PDE1C: variants seen among roughly 807,000 people sequenced by gnomAD.
PDE1C encodes the protein dual specificity calcium/calmodulin-dependent 3',5'-cyclic nucleotide phosphodiesterase 1C.
PDE1C carries 62 observed loss-of-function variants against 93.1 expected under a neutral mutation model. That is an observed-to-expected ratio of 0.67 (90% CI 0.54 to 0.82). The LOEUF (loss-of-function observed/expected upper bound fraction) is 0.82, where lower values mean the gene tolerates loss of function less well. Among genes scored for constraint, PDE1C ranks in the 40% least tolerant of loss-of-function variants. The pLI, the probability that PDE1C is intolerant of heterozygous loss-of-function variation, is 0.00. For missense variants in PDE1C, 742 were observed against 884.6 expected (o/e 0.84, Z 2.04); for synonymous variants, 325 against 310.1 (o/e 1.05, Z -0.50).
chr7:32,326,026 AT>A (rs745613124), intron 1 of PDE1C, among the ~76,000 whole-genome samples: 11 of 152,122 alleles, frequency 7.2e-5, no homozygotes, highest in Admixed American at 3.3e-4. Flanking sequence ...AGGTAACAAG[AT>A]TTGCTGACAG....
intron 1 of PDE1C, among the ~76,000 whole-genome samples, chr7:32,359,885 A>T (rs553450977): frequency 1.3e-5 from 2 of 151,998 alleles, no homozygotes; most frequent in African/African-American, 4.8e-5. Context: ...TTCAAGATCA[A>T]CTCAAATGCC....
intron 2 of PDE1C, among the ~76,000 whole-genome samples, chr7:31,881,411 A>T (rs1797235303): frequency 6.6e-6 from 1 of 152,224 alleles, no homozygotes; most frequent in Non-Finnish European, 1.5e-5. Context: ...TAAATACCCT[A>T]GTTAAAAAAG....
intron 2 of PDE1C, among the ~76,000 whole-genome samples, chr7:31,997,272 C>T (rs1784834024): frequency 6.6e-6 from 1 of 152,130 alleles, no homozygotes; most frequent in Non-Finnish European, 1.5e-5. Flanking sequence ...TGATGGTACA[C>T]ACCTCTCAAG....
intron 2 of PDE1C, among the ~76,000 whole-genome samples, chr7:31,931,660 T>C (rs944827889): frequency 1.3e-5 from 2 of 152,212 alleles, no homozygotes; most frequent in African/African-American, 4.8e-5. Flanking sequence ...ATGGCCATAC[T>C]GCCCAAAGTA....
chr7:31,818,648 C>T (rs1369441273), intron 14 of PDE1C, among the ~76,000 whole-genome samples: 1 of 152,110 alleles, frequency 6.6e-6, no homozygotes, highest in East Asian at 1.9e-4. Flanking sequence ...TGTTAGTTTC[C>T]TTAACCAATA....
At chr7:32,052,377 G>C in intron 1 of PDE1C, 1 of 461,036 alleles carries the variant, frequency 2.2e-6, no homozygotes, top group South Asian at 1.5e-5. Context: ...CAGAGTGGCA[G>C]ACAAGGAGAA....
At chr7:32,238,295 C>A (rs1056881456) in intron 1 of PDE1C, among the ~76,000 whole-genome samples, 1 of 152,134 alleles carries the variant, frequency 6.6e-6, no homozygotes, top group Non-Finnish European at 1.5e-5. Flanking sequence ...CTAGCTAATG[C>A]ATCAAAACCA....
the PDE1C span, among the ~76,000 whole-genome samples, chr7:31,702,954 A>G: frequency 1.3e-5 from 2 of 152,320 alleles, no homozygotes; most frequent in African/African-American, 4.8e-5. Flanking sequence ...ATCCCAGTAT[A>G]CGAAATTGAA....
intron 16 of PDE1C, among the ~76,000 whole-genome samples, chr7:31,800,018 C>T (rs1785798168): frequency 6.6e-6 from 1 of 151,712 alleles, no homozygotes; most frequent in African/African-American, 2.4e-5. Context: ...TTAATTTTCA[C>T]ATCCTTAATG....
intron 2 of PDE1C, among the ~76,000 whole-genome samples, chr7:32,018,341 A>T (rs1157579284): frequency 1.3e-5 from 2 of 152,140 alleles, no homozygotes; most frequent in African/African-American, 2.4e-5. Flanking sequence ...GAAAACTAAA[A>T]ACATACGTCT....
At chr7:32,123,170 C>A (rs1247519910) in intron 3 of PDE1C, among the ~76,000 whole-genome samples, 1 of 151,934 alleles carries the variant, frequency 6.6e-6, no homozygotes, top group Non-Finnish European at 1.5e-5. Context: ...AGGAAGAAAT[C>A]AAATTCCTGA....
chr7:31,652,483 G>T, the PDE1C span: 1 of 1,547,272 alleles, frequency 6.5e-7, no homozygotes, highest in Non-Finnish European at 8.7e-7. Flanking sequence ...AATGTGATGT[G>T]CTGTTTACTC....
At chr7:32,276,589 C>A (rs1811305685) in intron 1 of PDE1C, among the ~76,000 whole-genome samples, 1 of 152,158 alleles carries the variant, frequency 6.6e-6, no homozygotes, top group South Asian at 2.1e-4. Flanking sequence ...TCAGGTGTTG[C>A]AGCTCTGAAA....
chr7:31,843,268 G>A (rs1465129520), intron 9 of PDE1C, among the ~76,000 whole-genome samples: 1 of 151,766 alleles, frequency 6.6e-6, no homozygotes, highest in African/African-American at 2.4e-5. Context: ...TTTTTGTCCA[G>A]TTTGTCTATC....
chr7:32,340,152 C>T (rs953008150), intron 1 of PDE1C, among the ~76,000 whole-genome samples: 2 of 152,082 alleles, frequency 1.3e-5, no homozygotes, highest in African/African-American at 4.8e-5. Context: ...TGAGTTGGAA[C>T]TATAGGAGGG....
chr7:32,009,181 C>G (rs960070189), intron 2 of PDE1C, among the ~76,000 whole-genome samples: 1 of 152,134 alleles, frequency 6.6e-6, no homozygotes, highest in Non-Finnish European at 1.5e-5. Flanking sequence ...TGGAGATATG[C>G]GAAACAAAGA....
At chr7:31,666,476 A>G in the PDE1C span, among the ~76,000 whole-genome samples, 145,712 of 152,282 alleles carry the variant, frequency 0.96, 69,825 homozygotes, top group East Asian at 1. Context: ...CACTTTGAAA[A>G]TTATACATTT....
intron 1 of PDE1C, among the ~76,000 whole-genome samples, chr7:32,316,540 T>A (rs536752415): frequency 6.6e-6 from 1 of 152,272 alleles, no homozygotes; most frequent in South Asian, 2.1e-4. Flanking sequence ...AATAAATAGA[T>A]CACAGACTTG....
At chr7:32,182,219 G>T (rs1410550239) in intron 2 of PDE1C, among the ~76,000 whole-genome samples, 1 of 152,168 alleles carries the variant, frequency 6.6e-6, no homozygotes, top group Non-Finnish European at 1.5e-5. Flanking sequence ...TCTACCAGAG[G>T]TACAAGGAGG....
Sources: gnomAD v4.1 joint callset for allele counts (sites outside exome capture counted in the v4.1 genomes callset) on GRCh38, gnomAD v4.1.1 for gene constraint, MANE v1.5 for transcripts, NCBI Gene and HGNC (gene_info 2026-07-23, HGNC 2026-07-21) for gene names.